The following CDH17 variants were observed in gnomAD, a reference collection of about 807,000 sequenced individuals.
CDH17 encodes the protein cadherin-17.
In CDH17, 67 loss-of-function variants were observed where a neutral mutation model predicts 86.3. The ratio of observed to expected loss-of-function variants is 0.78; its 90% confidence interval spans 0.64 to 0.95. The LOEUF (loss-of-function observed/expected upper bound fraction) is 0.95, where lower values mean the gene tolerates loss of function less well. Ranked by LOEUF, CDH17 falls within the 40% of genes least tolerant of loss-of-function variation. The pLI, the probability that CDH17 is intolerant of heterozygous loss-of-function variation, is 0.00. For synonymous variants in CDH17, 367 were observed against 366.4 expected (o/e 1.00, Z -0.02); for missense variants, 993 against 1,017.6 (o/e 0.98, Z 0.33).
intron 12 of CDH17, among the ~76,000 whole-genome samples, chr8:94,152,970 G>A (rs998756285): frequency 6.6e-6 from 1 of 152,178 alleles, no homozygotes; most frequent in African/African-American, 2.4e-5. Flanking sequence ...GCCCAGCCTA[G>A]CAATGATCTT....
intron 15 of CDH17, among the ~76,000 whole-genome samples, chr8:94,136,216 G>A (rs1242385392): frequency 2.0e-5 from 3 of 152,132 alleles, no homozygotes; most frequent in Non-Finnish European, 1.5e-5. Context: ...GCTAGATTGG[G>A]GAAGTTCTCC....
intron 16 of CDH17, 49 bp downstream of exon 16, chr8:94,130,827 G>A (rs1812398285): frequency 2.0e-6 from 3 of 1,488,692 alleles, no homozygotes; most frequent in Admixed American, 3.3e-5. Context: ...TCCTCAAACG[G>A]CCCATGGTGA....
chr8:94,190,986 G>C (rs1813677375), intron 2 of CDH17, among the ~76,000 whole-genome samples: 3 of 152,092 alleles, frequency 2.0e-5, no homozygotes, highest in Admixed American at 6.6e-5. Flanking sequence ...GCTGCCCCTG[G>C]GCCACTGCCA....
intron 11 of CDH17, 119 bp downstream of exon 11, chr8:94,161,967 C>A: frequency 1.5e-6 from 1 of 651,678 alleles, no homozygotes; most frequent in Non-Finnish European, 2.7e-6. Flanking sequence ...TGTGCACTGA[C>A]CAAGGTTACC....
At chr8:94,139,633 T>TG (rs781781662) in intron 15 of CDH17, among the ~76,000 whole-genome samples, 1 of 152,202 alleles carries the variant, frequency 6.6e-6, no homozygotes. Context: ...GCACCCCCGG[T>TG]GGCTCATGCC....
chr8:94,215,485 G>T (rs942397404), intron 1 of CDH17, among the ~76,000 whole-genome samples: 6 of 151,994 alleles, frequency 3.9e-5, no homozygotes, highest in African/African-American at 1.2e-4. Context: ...CCTGCAGTTG[G>T]GGGGCAGAGG....
At chr8:94,143,921 T>C (rs1377084748) in intron 15 of CDH17, among the ~76,000 whole-genome samples, 1 of 152,240 alleles carries the variant, frequency 6.6e-6, no homozygotes, top group Non-Finnish European at 1.5e-5. Context: ...TTTTTTATTA[T>C]TTGTGTTCAC....
intron 15 of CDH17, among the ~76,000 whole-genome samples, chr8:94,139,635 GC>G (rs1812597187): frequency 1.3e-5 from 2 of 152,188 alleles, no homozygotes; most frequent in African/African-American, 4.8e-5. Flanking sequence ...ACCCCCGGTG[GC>G]TCATGCCTAT....
At chr8:94,181,007 T>A (rs2613235) in intron 3 of CDH17, among the ~76,000 whole-genome samples, 114,322 of 149,760 alleles carry the variant, frequency 0.76, 44,529 homozygotes, top group African/African-American at 0.88. Context: ...CTGTAAATCC[T>A]ACAAAACTAT....
At chr8:94,161,100 T>C (rs935557639) in intron 11 of CDH17, among the ~76,000 whole-genome samples, 2 of 152,198 alleles carry the variant, frequency 1.3e-5, no homozygotes, top group Non-Finnish European at 2.9e-5. Context: ...CAGATTAGTA[T>C]TTAAGCTCTG....
At chr8:94,179,280 G>C (rs894963954) in intron 3 of CDH17, among the ~76,000 whole-genome samples, 1 of 152,118 alleles carries the variant, frequency 6.6e-6, no homozygotes, top group African/African-American at 2.4e-5. Context: ...CATTTGACCG[G>C]ACTCAGAATT....
upstream of CDH17, among the ~76,000 whole-genome samples, chr8:94,213,117 C>T (rs1373790937): frequency 6.6e-6 from 1 of 152,208 alleles, no homozygotes; most frequent in East Asian, 1.9e-4. Context: ...GCTAGGACTA[C>T]AGGCAAGTGC....
intron 15 of CDH17, among the ~76,000 whole-genome samples, chr8:94,134,698 C>T (rs980099157): frequency 4.6e-5 from 7 of 152,090 alleles, no homozygotes; most frequent in Non-Finnish European, 8.8e-5. Context: ...CTGCCTTCTG[C>T]TAGCTTTTGA....
chr8:94,198,258 A>T (rs950402466), intron 1 of CDH17, among the ~76,000 whole-genome samples: 14 of 152,232 alleles, frequency 9.2e-5, no homozygotes, highest in Admixed American at 5.2e-4. Context: ...CAAGATTCAT[A>T]AATTCCTTGC....
Position 94,162,068 on chromosome 8 carries a change from A to G in CDH17, c.1359+18T>C. 7.0e-7 allele frequency: 1 copy of G among 1,434,824 alleles called. No individual in the cohort carries two copies. Among genetic ancestry groups the G allele is most frequent in the South Asian group, 1.2e-5 (1 of 86,546 alleles). 88.9% of individuals were successfully genotyped at this position (1,434,824 alleles called of 1,614,324 possible). On this transcript the variant is annotated intron_variant, in intron 11 of 17. Coordinates refer to ENST00000027335, the MANE Select transcript of CDH17 (RefSeq NM_004063.4). ...AATGAATAAAGTAAAGAAAAAACAA[A>G]TAATGACAACTACTCACATCTGATT... is the stretch of plus-strand genomic sequence containing the variant.
intron 12 of CDH17, among the ~76,000 whole-genome samples, chr8:94,154,985 G>A (rs1261468395): frequency 6.6e-6 from 1 of 152,030 alleles, no homozygotes; most frequent in Non-Finnish European, 1.5e-5. Context: ...ACACCATCAT[G>A]ACTCACTCTC....
In CDH17 at chr8:94,145,078, T is replaced by G. The variant is rs1812714544; in HGVS notation, c.2167+850A>C. On this transcript the variant is annotated intron_variant, in intron 15 of 17. Transcript: ENST00000027335. ...GGAATGTAAAATGTTAAGAACAATT[T>G]GGAAAGTAGTTCAACCTTTCCTTAA... 2.0e-5 allele frequency among the ~76,000 whole-genome samples: 3 copies of G among 152,242 alleles called. No individual in the cohort carries two copies. The South Asian group carries it at 6.2e-4, about 31-fold the overall frequency.
intron 7 of CDH17, among the ~76,000 whole-genome samples, chr8:94,172,854 C>A (rs1219351738): frequency 3.3e-5 from 5 of 152,144 alleles, no homozygotes; most frequent in Admixed American, 3.3e-4. Flanking sequence ...AGGGGAGAGG[C>A]ACACACAGGA....
chr8:94,153,970 C>T (rs1198542025), intron 12 of CDH17, among the ~76,000 whole-genome samples: 2 of 152,106 alleles, frequency 1.3e-5, no homozygotes, highest in Non-Finnish European at 2.9e-5. Context: ...TATTTTACAA[C>T]GTGGTACTAT....
Sources: allele counts gnomAD v4.1 joint callset (sites outside exome capture counted in the v4.1 genomes callset), GRCh38; gene constraint gnomAD v4.1.1; transcripts MANE v1.5; gene names NCBI Gene and HGNC (gene_info 2026-07-23, HGNC 2026-07-21).